ICE1: variants seen among roughly 807,000 people sequenced by gnomAD.
ICE1 encodes the protein interactor of little elongation complex ELL subunit 1.
Under a neutral mutation model 192.7 loss-of-function variants are expected in ICE1, and 64 were observed. That is an observed-to-expected ratio of 0.33 (90% CI 0.27 to 0.41). The LOEUF is 0.41. Among genes scored for constraint, ICE1 ranks in the 10% least tolerant of loss-of-function variants. The probability of loss-of-function intolerance (pLI) is 1.00; values close to 1 mark genes in which losing one functional copy is unlikely to be tolerated. For missense variants in ICE1, 2,708 were observed against 2,696.0 expected (o/e 1.00, Z -0.10); for synonymous variants, 1,010 against 984.5 (o/e 1.03, Z -0.49).
At chr5:5,467,212 C>G (rs1739012947) in intron 14 of ICE1, among the ~76,000 whole-genome samples, 1 of 152,144 alleles carries the variant, frequency 6.6e-6, no homozygotes, top group African/African-American at 2.4e-5. Context: ...TGTTTACTCT[C>G]TCAGTCATTC....
At chr5:5,485,699 C>G (rs1018307544) in intron 17 of ICE1, among the ~76,000 whole-genome samples, 1 of 152,230 alleles carries the variant, frequency 6.6e-6, no homozygotes, top group Non-Finnish European at 1.5e-5. Flanking sequence ...GCATTATTCA[C>G]TTGGAAAATA....
At chr5:5,471,087 G>A (rs1739144354) in intron 15 of ICE1, among the ~76,000 whole-genome samples, 1 of 152,068 alleles carries the variant, frequency 6.6e-6, no homozygotes, top group Non-Finnish European at 1.5e-5. Flanking sequence ...ACACATAGAA[G>A]ACAAAAATAC....
At chr5:5,432,374 T>C (rs532527978) in intron 1 of ICE1, among the ~76,000 whole-genome samples, 1 of 152,390 alleles carries the variant, frequency 6.6e-6, no homozygotes, top group East Asian at 1.9e-4. Flanking sequence ...TCATTTTCAT[T>C]GTCAAATAAT....
chr5:5,462,251 A>G lies in ICE1; in HGVS notation c.2917A>G (p.Arg973Gly). 1.2e-6 allele frequency: 2 copies of G among 1,612,304 alleles called. No individual in the cohort carries two copies. Among genetic ancestry groups the G allele is most frequent in the Non-Finnish European group, 1.7e-6 (2 of 1,178,850 alleles). ...CCTCATCCAAAACCAAGACATTGTG[A>G]GAGAAGCTGCAGTGCAGGGAGATGG... Reference protein sequence around the residue: ...NILIQNQDIVREAAVQGDGQK... With the variant: ...NILIQNQDIVGEAAVQGDGQK... The change falls in exon 13 of 19, where the codon AGA becomes GGA. Residue 973 changes from arginine (R) to glycine (G), a missense_variant. Transcript: ENST00000296564.
At position 5,423,078 on chromosome 5, in the gene ICE1, C is replaced by T. The variant is rs927214492; in HGVS notation, c.84+79C>T. ...GGGAGCGCAGGGATGTGGGGTCCGGCCGCGCGGGCTGTGCCTCAGTGCGCT... is the reference window on the plus strand; with the variant it reads ...GGGAGCGCAGGGATGTGGGGTCCGGTCGCGCGGGCTGTGCCTCAGTGCGCT... On this transcript the variant is annotated intron_variant, in intron 1 of 18. Transcript: ENST00000296564. 4 of 964,546 alleles carry T rather than the reference C, an allele frequency of 4.1e-6. No homozygotes were observed. The African/African-American group carries it at 5.1e-5, about 12-fold the overall frequency. 59.7% of individuals were successfully genotyped at this position (964,546 alleles called of 1,614,324 possible).
intron 1 of ICE1, among the ~76,000 whole-genome samples, chr5:5,432,049 T>C (rs145451046): frequency 1.2e-3 from 183 of 152,318 alleles, no homozygotes; most frequent in African/African-American, 4.0e-3. Context: ...TATTGAAATA[T>C]AATTTACATA....
Position 5,422,993 on chromosome 5 carries a change from G to C in ICE1, c.78G>C (p.Leu26=). The change falls in exon 1 of 19, where the codon CTG becomes CTC. Residue 26 remains leucine, a synonymous_variant. Coordinates refer to ENST00000296564, the MANE Select transcript of ICE1 (RefSeq NM_015325.3). ...CGCGATGTCAGGGCTGCGCCTCTCT[G>C]CAGCAGGTGCAGCACCTCCCGGGGC... ...DLSRCQGCAS[L]QQNLNEYVEA... 1 of 1,437,506 alleles carries C rather than the reference G, an allele frequency of 7.0e-7. No individual in the cohort carries two copies. The allele number at this position is 1,437,506 out of a possible 1,614,324, so 89.0% of individuals were successfully genotyped here.
intron 17 of ICE1, 148 bp downstream of exon 17, chr5:5,476,227 C>T: frequency 4.0e-6 from 2 of 506,268 alleles, no homozygotes; most frequent in South Asian, 3.3e-5. Context: ...TTAAGTCATT[C>T]TCCTTTCTCT....
intron 1 of ICE1, among the ~76,000 whole-genome samples, chr5:5,431,307 C>T (rs1737702773): frequency 6.6e-6 from 1 of 152,032 alleles, no homozygotes; most frequent in Non-Finnish European, 1.5e-5. Context: ...AACTGCATTC[C>T]CTTGCAAGTC....
At chr5:5,439,965 C>T (rs893720836) in intron 4 of ICE1, 52 bp downstream of exon 4, 9 of 1,288,220 alleles carry the variant, frequency 7.0e-6, no homozygotes, top group Non-Finnish European at 9.5e-6. Context: ...AGTAGTTGAT[C>T]TGAGATAGAC....
At chr5:5,444,676 G>T (rs909832613) in intron 7 of ICE1, among the ~76,000 whole-genome samples, 11 of 152,114 alleles carry the variant, frequency 7.2e-5, no homozygotes, top group Non-Finnish European at 1.5e-5. Context: ...ATAAGTAGCT[G>T]GTGGAAAGGG....
intron 15 of ICE1, among the ~76,000 whole-genome samples, chr5:5,471,643 T>C (rs959115201): frequency 3.9e-5 from 6 of 152,072 alleles, no homozygotes; most frequent in African/African-American, 1.4e-4. Context: ...AGAAAATCAA[T>C]ACATTACTAA....
In ICE1 at chr5:5,462,025, T is replaced by C. The variant is rs1169836193; in HGVS notation, c.2691T>C (p.Gly897=). 6.2e-7 allele frequency: 1 copy of C among 1,613,932 alleles called. No homozygotes were observed. The highest frequency in any genetic ancestry group is 1.1e-5 in the South Asian group (1 of 91,086). The change falls in exon 13 of 19, where the codon GGT becomes GGC. Residue 897 remains glycine (G), a synonymous_variant. Transcript: ENST00000296564. The stretch of plus-strand genomic sequence containing the variant: ...CAGAAAATAGTGGCAACAAAACCGG[T>C]ATGTCAACTGTAGCAAAATGTGATG... The part of the protein sequence containing the change: ...LVTENSGNKT[G]MSTVAKCDGE...
rs772489569 is a variant in ICE1, at chr5:5,464,426, C to G, written c.5092C>G (p.Pro1698Ala). The stretch of plus-strand genomic sequence containing the variant: ...ACGTGCCTCTCCTCCAGATCCTTCT[C>G]CATCTCCATCTGCAGCTTCAGCCAG... Reference protein sequence around the residue: ...PRRASPPDPSPSPSAASASER... With the variant: ...PRRASPPDPSASPSAASASER... The change falls in exon 13 of 19, where the codon CCA (proline) becomes GCA (alanine). Residue 1698 changes from proline (P) to alanine (A), a missense_variant. Pro to Ala is a conservative substitution (Grantham distance 27, BLOSUM62 -1). Coordinates refer to ENST00000296564, the MANE Select transcript of ICE1 (RefSeq NM_015325.3). This position sits in a 1 kb window ranked among gnomAD's most constrained non-coding sequence, Gnocchi z 4.0. 2 of 1,613,962 alleles carry G rather than the reference C, an allele frequency of 1.2e-6. No homozygotes were observed. Among genetic ancestry groups the G allele is most frequent in the Non-Finnish European group, 1.7e-6 (2 of 1,179,882 alleles).
chr5:5,481,170 G>C (rs1042016978), intron 17 of ICE1, among the ~76,000 whole-genome samples: 23 of 152,104 alleles, frequency 1.5e-4, no homozygotes, highest in African/African-American at 5.5e-4. Flanking sequence ...AATCTTTTTT[G>C]AGAGTTAAAA....
intron 13 of ICE1, among the ~76,000 whole-genome samples, chr5:5,465,922 A>G (rs1738971657): frequency 6.6e-6 from 1 of 152,236 alleles, no homozygotes; most frequent in African/African-American, 2.4e-5. Context: ...AAATTTAAAC[A>G]GTATATAGAG....
chr5:5,471,974 C>A (rs1274761628), intron 15 of ICE1, among the ~76,000 whole-genome samples: 2 of 151,930 alleles, frequency 1.3e-5, no homozygotes, highest in East Asian at 3.9e-4. Context: ...AATTTATAAA[C>A]CTTTTAAAAA....
In ICE1 at chr5:5,466,412, C is replaced by G; in HGVS notation, c.5971C>G (p.His1991Asp). 1 of 1,613,574 alleles carries G rather than the reference C, an allele frequency of 6.2e-7. No homozygotes were observed. Among genetic ancestry groups the G allele is most frequent in the Non-Finnish European group, 8.5e-7 (1 of 1,179,702 alleles). The stretch of plus-strand genomic sequence containing the variant: ...GATATCTATGGACCACAATTACATT[C>G]ACGCCCTCTGCAGGGTGTATGTGGG... ...QKISMDHNYI[H>D]ALCRVYVGIC... is the part of the protein sequence containing the mutation. The change falls in exon 14 of 19, where the codon CAC becomes GAC. Residue 1991 changes from histidine to aspartate, a missense_variant. By Grantham distance (81) the His-to-Asp change is moderately conservative. This residue lies in a region of ICE1 where 342 missense variants were observed against 419.3 expected (regional missense o/e 0.82). Coordinates refer to ENST00000296564, the MANE Select transcript of ICE1 (RefSeq NM_015325.3).
chr5:5,430,426 G>A (rs565961740), intron 1 of ICE1, among the ~76,000 whole-genome samples: 3 of 152,156 alleles, frequency 2.0e-5, no homozygotes, highest in Non-Finnish European at 4.4e-5. Flanking sequence ...GAATGCTATC[G>A]GATAACTGAG....
Sources: allele counts gnomAD v4.1 joint callset (sites outside exome capture counted in the v4.1 genomes callset), GRCh38; gene constraint gnomAD v4.1.1; regional missense constraint gnomAD v4.1.1; non-coding constraint Gnocchi (gnomAD v3.1); transcripts MANE v1.5; gene names NCBI Gene and HGNC (gene_info 2026-07-23, HGNC 2026-07-21).